The following ADAMTSL1 variants were observed in gnomAD, a reference collection of about 807,000 sequenced individuals.
ADAMTSL1 encodes the protein ADAMTS-like protein 1.
A neutral mutation model predicts 201.8 loss-of-function variants in ADAMTSL1; 126 were observed. That is an observed-to-expected ratio of 0.62 (90% confidence interval 0.54 to 0.72). The LOEUF (loss-of-function observed/expected upper bound fraction) is 0.72. Among genes scored for constraint, ADAMTSL1 ranks in the 30% least tolerant of loss-of-function variants. ADAMTSL1 has a pLI of 0.00. For missense variants in ADAMTSL1, 2,679 were observed against 2,277.8 expected (o/e 1.18, Z -3.59); for synonymous variants, 1,121 against 903.4 (o/e 1.24, Z -4.32).
chr9:17,984,316 C>G (rs560784523), intron 1 of ADAMTSL1, among the ~76,000 whole-genome samples: 13 of 152,098 alleles, frequency 8.5e-5, no homozygotes, highest in African/African-American at 2.9e-4. Flanking sequence ...GTATCCTTCC[C>G]AATGACTAGC....
In ADAMTSL1 at chr9:17,924,461, C is replaced by T. The variant is rs532198269; in HGVS notation, c.87+17539C>T. ...ATGGTAGTTTGTATTTCTGTGGGAT[C>T]GGTGGTGATATCCAAAACAGCATGG... On this transcript the variant is annotated intron_variant, in intron 1 of 29. Transcript: ENST00000680146. 3.9e-5 allele frequency among the ~76,000 whole-genome samples: 6 copies of T among 152,126 alleles called. No homozygotes were observed. The South Asian group carries it at 6.2e-4, about 16-fold the overall frequency.
chr9:18,235,563 T>C (rs921134673), intron 2 of ADAMTSL1, among the ~76,000 whole-genome samples: 13 of 152,224 alleles, frequency 8.5e-5, no homozygotes, highest in African/African-American at 3.1e-4. Context: ...AATAGAATAC[T>C]GAGAATTTGC....
intron 4 of ADAMTSL1, among the ~76,000 whole-genome samples, chr9:18,593,841 C>A (rs1248628285): frequency 6.6e-6 from 1 of 151,900 alleles, no homozygotes; most frequent in Non-Finnish European, 1.5e-5. Context: ...ATGGGCTGTC[C>A]TTGAGAATGA....
At chr9:18,035,131 G>A (rs1346519631) in intron 1 of ADAMTSL1, among the ~76,000 whole-genome samples, 1 of 152,166 alleles carries the variant, frequency 6.6e-6, no homozygotes, top group Admixed American at 6.5e-5. Context: ...AGGATAAATT[G>A]TGCTTAAGTT....
intron 2 of ADAMTSL1, among the ~76,000 whole-genome samples, chr9:18,346,457 G>T (rs1020234642): frequency 2.0e-5 from 3 of 152,124 alleles, no homozygotes; most frequent in Non-Finnish European, 4.4e-5. Context: ...CTCTAAGCAA[G>T]TAAGGGTTTT....
chr9:18,041,603 C>T (rs376971523), intron 1 of ADAMTSL1, among the ~76,000 whole-genome samples: 6 of 152,170 alleles, frequency 3.9e-5, no homozygotes, highest in African/African-American at 1.4e-4. Flanking sequence ...ATAAAAATCA[C>T]CTTACTAAAT....
chr9:18,516,976 G>C (rs541363037), intron 2 of ADAMTSL1, among the ~76,000 whole-genome samples: 1 of 152,288 alleles, frequency 6.6e-6, no homozygotes, highest in Non-Finnish European at 1.5e-5. Flanking sequence ...TTTGTCTCTA[G>C]CCAAAATAAT....
chr9:18,109,834 T>C (rs1365309873), intron 1 of ADAMTSL1, among the ~76,000 whole-genome samples: 1 of 152,162 alleles, frequency 6.6e-6, no homozygotes, highest in Non-Finnish European at 1.5e-5. Context: ...GAGTAACCTG[T>C]AGTCACACCC....
intron 15 of ADAMTSL1, chr9:18,722,883 A>C (rs983734635): frequency 1.5e-6 from 1 of 686,004 alleles, no homozygotes; most frequent in Non-Finnish European, 2.7e-6. Flanking sequence ...ATCCTGAGTA[A>C]CCTCGTTTTC....
chr9:18,364,494 TC>T (rs1836679275), intron 2 of ADAMTSL1, among the ~76,000 whole-genome samples: 1 of 152,040 alleles, frequency 6.6e-6, no homozygotes, highest in South Asian at 2.1e-4. Flanking sequence ...CAGAGAAAAC[TC>T]CAAGAGACAC....
At chr9:18,497,351 T>G (rs571945474) in intron 1 of ADAMTSL1, among the ~76,000 whole-genome samples, 54,929 of 152,000 alleles carry the variant, frequency 0.36, 10,866 homozygotes, top group South Asian at 0.47. Flanking sequence ...GTAAAATACA[T>G]GAATTACCAG....
intron 2 of ADAMTSL1, among the ~76,000 whole-genome samples, chr9:18,184,170 C>T (rs1828626572): frequency 6.6e-6 from 1 of 152,124 alleles, no homozygotes; most frequent in Non-Finnish European, 1.5e-5. Context: ...ATTTCTTGTT[C>T]ACCAGATAAC....
At chr9:18,737,400 G>A (rs540014933) in intron 15 of ADAMTSL1, among the ~76,000 whole-genome samples, 1 of 149,380 alleles carries the variant, frequency 6.7e-6, no homozygotes, top group East Asian at 2.0e-4. Flanking sequence ...AGATAATATG[G>A]ATGGATCATA....
intron 19 of ADAMTSL1, among the ~76,000 whole-genome samples, chr9:18,787,460 A>G (rs1228000943): frequency 2.0e-5 from 3 of 152,144 alleles, no homozygotes; most frequent in Non-Finnish European, 4.4e-5. Context: ...AGATCCCCCT[A>G]GCAGTTAGTT....
intron 15 of ADAMTSL1, among the ~76,000 whole-genome samples, chr9:18,752,292 T>TTAA (rs1160768739): frequency 2.0e-5 from 3 of 152,252 alleles, no homozygotes; most frequent in Admixed American, 2.0e-4. Context: ...GTGCATACAC[T>TTAA]TAATATTACA....
chr9:18,002,246 A>C (rs962854328), intron 1 of ADAMTSL1, among the ~76,000 whole-genome samples: 2 of 152,032 alleles, frequency 1.3e-5, no homozygotes, highest in African/African-American at 4.8e-5. Context: ...GAAAGATGCC[A>C]TTATGGGTAG....
chr9:18,881,252 C>T (rs1828516638), intron 23 of ADAMTSL1, among the ~76,000 whole-genome samples: 1 of 152,218 alleles, frequency 6.6e-6, no homozygotes, highest in African/African-American at 2.4e-5. Context: ...CACAACTTGG[C>T]TGTTTGGAGC....
intron 2 of ADAMTSL1, among the ~76,000 whole-genome samples, chr9:18,300,240 A>G (rs1563869826): frequency 3.3e-5 from 5 of 152,246 alleles, no homozygotes. Flanking sequence ...GACTGGATTA[A>G]GAAAATGTGG....
chr9:18,566,384 A>C lies in ADAMTSL1; in HGVS notation c.238-7646A>C, dbSNP rs564988847. Among the ~76,000 whole-genome samples the C allele has an allele frequency of 2.0e-5, 3 of 152,250 alleles. No individual in the cohort carries two copies. In the South Asian group the frequency reaches 6.2e-4, roughly 32 times the overall value. ...GGAGGTTCTGCTGTAGTAGACGAAG[A>C]CAGACAATAAAATGTTAAGCACAGT... On this transcript the variant is annotated intron_variant, in intron 3 of 28. Transcript: ENST00000380548.
Sources: allele counts gnomAD v4.1 joint callset (sites outside exome capture counted in the v4.1 genomes callset), GRCh38; gene constraint gnomAD v4.1.1; transcripts MANE v1.5; gene names NCBI Gene and HGNC (gene_info 2026-07-23, HGNC 2026-07-21).